TIAL1: variants seen among roughly 807,000 people sequenced by gnomAD.
TIAL1 encodes nucleolysin TIAR.
In TIAL1, 7 loss-of-function variants were observed where a neutral mutation model predicts 59.7. The observed-to-expected ratio is 0.12, with a 90% confidence interval of 0.07 to 0.22. The LOEUF (loss-of-function observed/expected upper bound fraction) is 0.22. Among genes scored for constraint, TIAL1 ranks in the 10% least tolerant of loss-of-function variants. The probability of loss-of-function intolerance (pLI) is 1.00; values close to 1 mark genes in which losing one functional copy is unlikely to be tolerated. For synonymous variants in TIAL1, 149 were observed against 146.3 expected (o/e 1.02, Z -0.13); for missense variants, 225 against 462.5 (o/e 0.49, Z 4.71).
In TIAL1 at chr10:119,575,724, G is replaced by T. The variant is rs752779827; in HGVS notation, c.1069C>A (p.Pro357Thr). 9 of 1,610,818 alleles carry T rather than the reference G, an allele frequency of 5.6e-6. No homozygotes were observed. Among genetic ancestry groups the T allele is most frequent in the South Asian group, 1.1e-5 (1 of 90,888 alleles). Residue 357 changes from proline to threonine, a missense_variant, in exon 12 of 12, where the codon CCT becomes ACT. Transcript: ENST00000436547. ...AQPPQGQAPP[P>T]VIPPPNQAGY... ...GCTTGGTTAGGAGGAGGTATTACAG[G>T]GGGAGGAGCTTGTCCTTGGGGAGGC...
chr10:119,591,534 C>A (rs1266551742), intron 1 of TIAL1, among the ~76,000 whole-genome samples: 1 of 151,888 alleles, frequency 6.6e-6, no homozygotes, highest in East Asian at 1.9e-4. Context: ...AAGATGAAAA[C>A]GTTAATATCT....
chr10:119,583,497 T>C (rs1845395409), intron 2 of TIAL1, among the ~76,000 whole-genome samples: 1 of 152,180 alleles, frequency 6.6e-6, no homozygotes, highest in Admixed American at 6.5e-5. Context: ...CTGTACTGAA[T>C]AGCTGCACAA....
In TIAL1 at chr10:119,577,107, A is replaced by G. The variant is rs2133988503; in HGVS notation, c.834T>C (p.Ser278=). Residue 278 remains serine (S), a synonymous_variant, in exon 10 of 12, where the codon TCT becomes TCC. Transcript: ENST00000436547. Reference sequence around the variant, plus strand: ...GTTGGAAGTTTTTAGTCATATCAGGAGATTCTTTACCCCAATAGCATTTAA... The same window carrying G: ...GTTGGAAGTTTTTAGTCATATCAGGGGATTCTTTACCCCAATAGCATTTAA... The part of the protein sequence containing the change: ...HVVKCYWGKE[S]PDMTKNFQQV... 6.2e-7 allele frequency: 1 copy of G among 1,613,972 alleles called. No individual in the cohort carries two copies. The highest frequency in any genetic ancestry group is 2.2e-5 in the East Asian group (1 of 44,846).
At chr10:119,588,969 C>A (rs1304153468) in intron 1 of TIAL1, among the ~76,000 whole-genome samples, 1 of 152,088 alleles carries the variant, frequency 6.6e-6, no homozygotes, top group Non-Finnish European at 1.5e-5. Flanking sequence ...ATTAAAACAT[C>A]TGATTGTAAT....
chr10:119,577,760 A>T lies in TIAL1; in HGVS notation c.557-24T>A, dbSNP rs1845074796. 3.2e-6 allele frequency: 5 copies of T among 1,558,938 alleles called. No homozygotes were observed. In the East Asian group the frequency reaches 1.1e-4, roughly 35 times the overall value. ...GTCTGTATGCAGAAACAAAACAAAA[A>T]CGTTGACTGTTATATTGTACTATGA... On this transcript the variant is annotated intron_variant, in intron 7 of 11. Coordinates refer to ENST00000436547, the MANE Select transcript of TIAL1 (RefSeq NM_003252.4).
chr10:119,585,297 C>T (rs1308222671), intron 2 of TIAL1, among the ~76,000 whole-genome samples: 1 of 150,720 alleles, frequency 6.6e-6, no homozygotes, highest in Non-Finnish European at 1.5e-5. Context: ...TCTCTACAAA[C>T]ACATTTAAAA....
intron 2 of TIAL1, among the ~76,000 whole-genome samples, chr10:119,584,492 C>T (rs1392370821): frequency 6.6e-6 from 1 of 151,972 alleles, no homozygotes; most frequent in Non-Finnish European, 1.5e-5. Flanking sequence ...AGTTTATACC[C>T]TCTGGAAGCT....
At chr10:119,580,950 AT>A in intron 5 of TIAL1, 2 of 417,992 alleles carry the variant, frequency 4.8e-6, no homozygotes, top group Non-Finnish European at 3.4e-6. Context: ...AACCTGTATT[AT>A]TTTTATATTG....
At chr10:119,588,343 CTTTCTT>C (rs1845675447) in intron 1 of TIAL1, 95 bp from the exon 2 acceptor site, 1 of 648,464 alleles carries the variant, frequency 1.5e-6, no homozygotes. Flanking sequence ...TTCTTTCTTT[CTTTCTT>C]TCTTTTTTTT....
intron 2 of TIAL1, 33 bp downstream of exon 2, chr10:119,588,119 A>G (rs757668333): frequency 1.5e-6 from 2 of 1,302,474 alleles, no homozygotes; most frequent in Non-Finnish European, 2.1e-6. Flanking sequence ...CCATCATGCT[A>G]ATTGTCAGCA....
chr10:119,578,853 G>A lies in TIAL1; in HGVS notation c.448-19C>T. 1 of 1,585,962 alleles carries A rather than the reference G, an allele frequency of 6.3e-7. No homozygotes were observed. Among genetic ancestry groups the A allele is most frequent in the South Asian group, 1.1e-5 (1 of 90,254 alleles). The stretch of plus-strand genomic sequence containing the variant: ...CTGCATCCTATGGATAAAAAAGAAA[G>A]CACAATCACAAAGAAAAGAGTGATA... On this transcript the variant is annotated intron_variant, in intron 6 of 11. Transcript: ENST00000436547.
intron 6 of TIAL1, among the ~76,000 whole-genome samples, chr10:119,579,538 G>C (rs997016496): frequency 2.0e-5 from 3 of 152,112 alleles, no homozygotes; most frequent in African/African-American, 7.2e-5. Context: ...TCACATCCCA[G>C]TTATATAAGA....
intron 11 of TIAL1, among the ~76,000 whole-genome samples, chr10:119,576,225 A>G (rs1844988824): frequency 6.7e-6 from 1 of 150,150 alleles, no homozygotes; most frequent in Non-Finnish European, 1.5e-5. Flanking sequence ...AAAAAAGGCC[A>G]GTTACTTTGT....
At chr10:119,578,023 G>A (rs1166062499) in intron 7 of TIAL1, among the ~76,000 whole-genome samples, 3 of 152,028 alleles carry the variant, frequency 2.0e-5, no homozygotes, top group South Asian at 4.1e-4. Flanking sequence ...TCACGAGTTC[G>A]AGACCAGCCT....
intron 10 of TIAL1, 35 bp downstream of exon 10, chr10:119,577,045 G>A: frequency 1.2e-6 from 2 of 1,608,332 alleles, no homozygotes; most frequent in South Asian, 1.1e-5. Context: ...ATGTAAGATG[G>A]AAACCTTAAA....
At chr10:119,585,154 T>C (rs113650397) in intron 2 of TIAL1, among the ~76,000 whole-genome samples, 159 of 142,526 alleles carry the variant, frequency 1.1e-3, no homozygotes, top group African/African-American at 3.7e-3. Context: ...AAATCAATTA[T>C]GGCTGGGTGC....
At chr10:119,596,310 C>A in intron 1 of TIAL1, 124 bp downstream of exon 1, 1 of 1,050,694 alleles carries the variant, frequency 9.5e-7, no homozygotes, top group Admixed American at 1.9e-5. Context: ...TTCGCGTCCA[C>A]GCCGCCCTGG....
rs5788360 is a variant in TIAL1 at position 119,574,586 on chromosome 10, C to CAAAAAAAAAAAAAAAAAAAA, written c.*1059_*1078dup. 80 of 86,558 alleles carry CAAAAAAAAAAAAAAAAAAAA rather than the reference C, an allele frequency of 9.2e-4. No individual in the cohort carries two copies. The highest frequency in any genetic ancestry group is 1.7e-3 in the Admixed American group (10 of 5,946). 5.4% of individuals were successfully genotyped at this position (86,558 alleles called of 1,614,324 possible). A position where few individuals can be genotyped will look rare whatever the true frequency, so the allele number is the denominator to read the frequency against. ...TATTTACATACCAAGTAATGTAAAG[C>CAAAAAAAAAAAAAAAAAAAA]AAAAAAAAAAAAAAAAAAAAACAAA... On this transcript the variant is annotated 3_prime_UTR_variant, in exon 12 of 12. Transcript: ENST00000436547.
At chr10:119,579,830 T>C (rs899915381) in intron 6 of TIAL1, 105 bp downstream of exon 6, 6 of 800,920 alleles carry the variant, frequency 7.5e-6, no homozygotes, top group African/African-American at 3.6e-5. Context: ...AAAAGTTGTG[T>C]TTGTAGTTAA....
Sources: gnomAD v4.1 joint callset for allele counts (sites outside exome capture counted in the v4.1 genomes callset) on GRCh38, gnomAD v4.1.1 for gene constraint, MANE v1.5 for transcripts, NCBI Gene and HGNC (gene_info 2026-07-23, HGNC 2026-07-21) for gene names.